Variants in NEK5 observed in about 807,000 individuals in gnomAD.
NEK5 encodes the protein NIMA related kinase 5, also known as serine/threonine-protein kinase Nek5.
NEK5 carries 88 observed loss-of-function variants against 109.2 expected under a neutral mutation model. The ratio of observed to expected loss-of-function variants is 0.81; its 90% CI spans 0.68 to 0.96. NEK5 has a LOEUF of 0.96. NEK5 is among the 40% of genes least tolerant of loss of function. The pLI is 0.00. For missense variants in NEK5, 834 were observed against 920.7 expected (o/e 0.91, Z 1.22); for synonymous variants, 283 against 299.9 (o/e 0.94, Z 0.58).
chr13:52,109,013 G>C (rs1038469310), intron 7 of NEK5, among the ~76,000 whole-genome samples: 4 of 152,094 alleles, frequency 2.6e-5, no homozygotes, highest in Admixed American at 6.6e-5. Context: ...AATTATTTAG[G>C]CATTTACGTT....
intron 21 of NEK5, among the ~76,000 whole-genome samples, chr13:52,063,893 G>A (rs894566788): frequency 1.3e-5 from 2 of 152,144 alleles, no homozygotes; most frequent in Non-Finnish European, 1.5e-5. Context: ...CCCCATCCGG[G>A]AAGGAGGTGG....
At chr13:52,052,159 A>G (rs1244027056) in intron 22 of NEK5, among the ~76,000 whole-genome samples, 1 of 146,628 alleles carries the variant, frequency 6.8e-6, no homozygotes, top group Non-Finnish European at 1.5e-5. Flanking sequence ...TACAATTTAC[A>G]CATAGTAATT....
chr13:52,108,450 AGT>A (rs761020286), intron 7 of NEK5, 46 bp from the exon 8 acceptor site: 2 of 1,229,644 alleles, frequency 1.6e-6, no homozygotes, highest in Admixed American at 3.6e-5. Context: ...TTTTTATTGG[AGT>A]AAGAAAAGTC....
chr13:52,127,507 G>A lies in NEK5; in HGVS notation c.-22-3C>T. 8.5e-7 allele frequency: 1 copy of A among 1,182,538 alleles called. No individual in the cohort carries two copies. The highest frequency in any genetic ancestry group is 2.3e-5 in the East Asian group (1 of 42,900). 73.3% of individuals were successfully genotyped at this position (1,182,538 alleles called of 1,614,324 possible). On this transcript the variant is annotated splice_polypyrimidine_tract_variant and splice_region_variant and intron_variant, in intron 2 of 23. Transcript: ENST00000684899. ...TGGTCTCCAATGGGCTGAGTTTCCT[G>A]GAATTAGAGTAATGTAAATTTATCA...
intron 22 of NEK5, 60 bp from the exon 23 acceptor site, chr13:52,050,281 A>G (rs1477097757): frequency 2.0e-6 from 1 of 488,792 alleles, no homozygotes; most frequent in Admixed American, 6.4e-5. Flanking sequence ...AATGAGGGGC[A>G]TATACCAAAA....
At chr13:52,057,367 G>A (rs1593922401) in intron 22 of NEK5, among the ~76,000 whole-genome samples, 3 of 151,296 alleles carry the variant, frequency 2.0e-5, no homozygotes, top group South Asian at 2.1e-4. Flanking sequence ...TCTACCAGAG[G>A]TACAAGGAGG....
intron 23 of NEK5, among the ~76,000 whole-genome samples, chr13:52,045,714 A>G (rs61958805): frequency 0.59 from 81,281 of 138,588 alleles, 25,807 homozygotes; most frequent in Non-Finnish European, 0.71. Flanking sequence ...GCAGTGAGCC[A>G]AGATTGCACC....
chr13:52,102,146 G>A lies in NEK5; in HGVS notation c.756C>T (p.Ser252=), dbSNP rs1422515934. The A allele has an allele frequency of 6.2e-7, 1 of 1,614,004 alleles. No individual in the cohort carries two copies. The highest frequency in any genetic ancestry group is 1.7e-5 in the Admixed American group (1 of 60,018). The change falls in exon 10 of 24, where the codon TCC becomes TCT. Residue 252 remains serine, a synonymous_variant. Coordinates refer to ENST00000684899, the MANE Select transcript of NEK5 (RefSeq NM_001365552.1). ...VSPRDRPSIN[S]ILKRPFLENL... ...TCTCTAAAAAGGGCCTTTTCAAAAT[G>A]GAATTTATGGATGGTCGGTCTCGAG... is the stretch of plus-strand genomic sequence containing the variant.
At chr13:52,079,809 A>G (rs1954945363) in intron 17 of NEK5, among the ~76,000 whole-genome samples, 1 of 148,116 alleles carries the variant, frequency 6.8e-6, no homozygotes, top group African/African-American at 2.5e-5. Context: ...CAGTCTGGAA[A>G]GTGAGGAGCG....
chr13:52,089,179 G>C (rs1181642199), intron 14 of NEK5, 68 bp downstream of exon 14: 1 of 1,010,564 alleles, frequency 9.9e-7, no homozygotes, highest in East Asian at 2.4e-5. Context: ...ACTTTGACTT[G>C]AAAATCTGTG....
chr13:52,116,178 C>CAAAAAA (rs35020086), intron 4 of NEK5, among the ~76,000 whole-genome samples: 1 of 115,944 alleles, frequency 8.6e-6, no homozygotes, highest in Non-Finnish European at 1.7e-5. Flanking sequence ...AAGACTGTCT[C>CAAAAAA]AAAAAAAAAA....
At chr13:52,122,071 T>G (rs552052836) in intron 3 of NEK5, among the ~76,000 whole-genome samples, 1 of 152,218 alleles carries the variant, frequency 6.6e-6, no homozygotes, top group East Asian at 1.9e-4. Flanking sequence ...CCAGCTAAAT[T>G]ATGGTATTTT....
rs368429926 is a variant in NEK5 at position 52,084,762 on chromosome 13, AGTGTGTGTGTGTGTGTGTGTGTGTGT to A, written c.1480-1436_1480-1411del. On this transcript the variant is annotated intron_variant, in intron 16 of 23. Transcript: ENST00000684899. ...GAGAGAGAGAGAGAGAGAGAGAGAGAGTGTGTGTGTGTGTGTGTGTGTGTGTGTGTGTGTGTGTGTGTGTGTGTGTG... is the reference window on the plus strand; with the variant it reads ...GAGAGAGAGAGAGAGAGAGAGAGAGAGTGTGTGTGTGTGTGTGTGTGTGTG... 1.0e-3 allele frequency among the ~76,000 whole-genome samples: 49 copies of A among 47,382 alleles called. 1 individual carries two copies. The highest frequency in any genetic ancestry group is 3.3e-3 in the African/African-American group (45 of 13,530). 31.1% of individuals were successfully genotyped at this position (47,382 alleles called of 152,430 possible). A position where few individuals can be genotyped will look rare whatever the true frequency, so the allele number is the denominator to read the frequency against.
At chr13:52,092,976 T>C (rs1955322248) in intron 13 of NEK5, 78 bp downstream of exon 13, 2 of 959,514 alleles carry the variant, frequency 2.1e-6, no homozygotes, top group African/African-American at 1.7e-5. Flanking sequence ...TAGGAGAATT[T>C]GGATTTCAGA....
At chr13:52,079,986 G>A (rs1215081346) in intron 17 of NEK5, among the ~76,000 whole-genome samples, 8 of 139,868 alleles carry the variant, frequency 5.7e-5, no homozygotes, top group Non-Finnish European at 4.8e-5. Flanking sequence ...TCTCTGCCCG[G>A]CCGCCCCATC....
At chr13:52,068,885 C>T (rs903572541) in intron 20 of NEK5, among the ~76,000 whole-genome samples, 2 of 151,564 alleles carry the variant, frequency 1.3e-5, no homozygotes, top group Admixed American at 6.6e-5. Context: ...GCAGGAGAAT[C>T]GCTTGAACCC....
chr13:52,121,332 G>T (rs752998501), intron 3 of NEK5, among the ~76,000 whole-genome samples: 3 of 151,776 alleles, frequency 2.0e-5, no homozygotes, highest in Non-Finnish European at 4.4e-5. Flanking sequence ...CTAATTTTTT[G>T]TATTTTTAGT....
At chr13:52,107,600 A>T (rs1955679074) in intron 8 of NEK5, among the ~76,000 whole-genome samples, 2 of 137,284 alleles carry the variant, frequency 1.5e-5, no homozygotes, top group Middle Eastern at 3.6e-3. Flanking sequence ...CTCAAAAAAT[A>T]AAAAAAAAAA....
Position 52,034,872 on chromosome 13 carries a change from CTTTTT to C in NEK5, c.*2071_*2075del, listed in dbSNP as rs1234331938. On this transcript the variant is annotated 3_prime_UTR_variant, in exon 24 of 24. Transcript: ENST00000684899. ...TGTTCATTTACCATCCTTAAACATT[CTTTTT>C]TTTCTTTTTTTTTTTTTTTTTTGCC... 1.0e-5 allele frequency: 1 copy of C among 96,164 alleles called. No individual in the cohort carries two copies. The highest frequency in any genetic ancestry group is 2.4e-5 in the Non-Finnish European group (1 of 42,410). 6.0% of individuals were successfully genotyped at this position (96,164 alleles called of 1,614,324 possible).
Sources: allele counts gnomAD v4.1 joint callset (sites outside exome capture counted in the v4.1 genomes callset), GRCh38; gene constraint gnomAD v4.1.1; transcripts MANE v1.5; gene names NCBI Gene and HGNC (gene_info 2026-07-23, HGNC 2026-07-21).